PLCZ1: variants seen among roughly 807,000 people sequenced by gnomAD.
PLCZ1 encodes the protein 1-phosphatidylinositol 4,5-bisphosphate phosphodiesterase zeta-1.
A neutral mutation model predicts 76.8 loss-of-function variants in PLCZ1; 64 were observed. That is an observed-to-expected ratio of 0.83 (90% CI 0.68 to 1.03). The LOEUF (loss-of-function observed/expected upper bound fraction) is 1.03. Ranked by LOEUF, PLCZ1 falls within the 50% of genes least tolerant of loss-of-function variation. The probability of loss-of-function intolerance (pLI) is 0.00; values close to 1 mark genes in which losing one functional copy is unlikely to be tolerated. For synonymous variants in PLCZ1, 248 were observed against 230.8 expected (o/e 1.07, Z -0.68); for missense variants, 751 against 713.7 (o/e 1.05, Z -0.60).
chr12:18,681,716 T>C (rs114414509), downstream of PLCZ1, among the ~76,000 whole-genome samples: 2,064 of 152,154 alleles, frequency 0.014, 54 homozygotes, highest in African/African-American at 0.048. Flanking sequence ...AGTGGAATAT[T>C]TCAAAATGAA....
At chr12:18,725,238 G>A (rs12580512) in intron 3 of PLCZ1, among the ~76,000 whole-genome samples, 31,570 of 152,088 alleles carry the variant, frequency 0.21, 3,520 homozygotes, top group East Asian at 0.32. Context: ...AGGAGCAAGT[G>A]ACAATGGGGA....
intron 2 of PLCZ1, 34 bp from the exon 3 acceptor site, chr12:18,736,378 A>G: frequency 6.2e-7 from 1 of 1,600,192 alleles, no homozygotes; most frequent in Non-Finnish European, 8.5e-7. Flanking sequence ...AAATTCTCAC[A>G]GAAAGTCATT....
the PLCZ1 span, among the ~76,000 whole-genome samples, chr12:18,674,471 CTA>C: frequency 6.6e-6 from 1 of 152,166 alleles, no homozygotes; most frequent in African/African-American, 2.4e-5. Context: ...TTTTCTCACT[CTA>C]TGAATTTTTT....
chr12:18,716,009 A>G (rs1333072113), intron 5 of PLCZ1, among the ~76,000 whole-genome samples: 1 of 152,220 alleles, frequency 6.6e-6, no homozygotes, highest in Non-Finnish European at 1.5e-5. Flanking sequence ...AAATTCGGCT[A>G]CATTTGTAGA....
At position 18,701,766 on chromosome 12, in the gene PLCZ1, A is replaced by G; in HGVS notation, c.875T>C (p.Phe292Ser). The G allele has an allele frequency of 6.2e-7, 1 of 1,602,178 alleles. No homozygotes were observed. Among genetic ancestry groups the G allele is most frequent in the Non-Finnish European group, 8.5e-7 (1 of 1,174,182 alleles). ...DTLPSPEALKFKILVKNKKIG... is the reference protein window; with the variant it reads ...DTLPSPEALKSKILVKNKKIG... ...TTTCTTATTTTTAACTAATATTTTG[A>G]ATTTTAGTGCCTAAGGAAACAATTT... Residue 292 changes from phenylalanine (F) to serine (S), a missense_variant, in exon 8 of 15, where the codon TTC (phenylalanine) becomes TCC (serine). Physicochemically the swap from Phe to Ser is radical, Grantham distance 155. Coordinates refer to ENST00000266505, the MANE Select transcript of PLCZ1 (RefSeq NM_033123.4).
rs200904516 is a variant in PLCZ1, at chr12:18,701,747, A to G, written c.894T>C (p.Asn298=). 1.2e-4 allele frequency: 199 copies of G among 1,608,058 alleles called. No homozygotes were observed. Among genetic ancestry groups the G allele is most frequent in the Admixed American group, 6.7e-5 (4 of 59,580 alleles). Residue 298 remains asparagine, a synonymous_variant, in exon 8 of 15, where the codon AAT becomes AAC. Transcript: ENST00000266505. ...TTTCCTTTAAGGTTCCTATTTTCTT[A>G]TTTTTAACTAATATTTTGAATTTTA... ...EALKFKILVK[N]KKIGTLKETH...
intron 4 of PLCZ1, 35 bp from the exon 5 acceptor site, chr12:18,719,667 C>T (rs778720671): frequency 2.1e-6 from 3 of 1,429,482 alleles, no homozygotes; most frequent in African/African-American, 2.9e-5. Flanking sequence ...TAAAAGGATG[C>T]AAAAATACCA....
At chr12:18,707,901 T>A (rs1592166431) in intron 6 of PLCZ1, among the ~76,000 whole-genome samples, 1 of 152,274 alleles carries the variant, frequency 6.6e-6, no homozygotes, top group Non-Finnish European at 1.5e-5. Flanking sequence ...ATACTTAAGG[T>A]ATACAACATG....
At chr12:18,678,437 C>T (rs1185554264), downstream of PLCZ1, among the ~76,000 whole-genome samples, 2 of 151,996 alleles carry the variant, frequency 1.3e-5, no homozygotes, top group Non-Finnish European at 1.5e-5. Flanking sequence ...CCCTATTCAA[C>T]CATCATGATA....
chr12:18,679,201 T>A (rs1952202548), downstream of PLCZ1, among the ~76,000 whole-genome samples: 1 of 152,020 alleles, frequency 6.6e-6, no homozygotes, highest in Admixed American at 6.6e-5. Context: ...TAAGTATTCT[T>A]CATATAGTCT....
At chr12:18,661,809 A>G in the PLCZ1 span, among the ~76,000 whole-genome samples, 1 of 152,242 alleles carries the variant, frequency 6.6e-6, no homozygotes, top group South Asian at 2.1e-4. Context: ...AAGGAATATA[A>G]ATTGTTCTAC....
intron 3 of PLCZ1, among the ~76,000 whole-genome samples, chr12:18,726,868 C>G (rs191457041): frequency 6.6e-6 from 1 of 152,090 alleles, no homozygotes; most frequent in Non-Finnish European, 1.5e-5. Flanking sequence ...CAAACTCTCG[C>G]GCTAGTTTAA....
At chr12:18,669,868 A>G in the PLCZ1 span, among the ~76,000 whole-genome samples, 1 of 152,190 alleles carries the variant, frequency 6.6e-6, no homozygotes, top group South Asian at 2.1e-4. Flanking sequence ...ACAGGGTTTC[A>G]CCACGTTGCT....
At chr12:18,729,783 A>G (rs903681744) in intron 3 of PLCZ1, among the ~76,000 whole-genome samples, 1 of 152,102 alleles carries the variant, frequency 6.6e-6, no homozygotes, top group African/African-American at 2.4e-5. Flanking sequence ...CCATGAATCA[A>G]TAATTAATCT....
At chr12:18,687,383 A>T (rs1448402404) in intron 13 of PLCZ1, among the ~76,000 whole-genome samples, 3 of 152,158 alleles carry the variant, frequency 2.0e-5, no homozygotes, top group Non-Finnish European at 4.4e-5. Context: ...CTTGAAGAAG[A>T]TTCCAGACTC....
At chr12:18,708,234 G>GT (rs938253659) in intron 6 of PLCZ1, among the ~76,000 whole-genome samples, 1 of 151,760 alleles carries the variant, frequency 6.6e-6, no homozygotes, top group Admixed American at 6.6e-5. Context: ...ACATTTGAGA[G>GT]TTTTTTTTCT....
chr12:18,707,710 G>A (rs1044208798), intron 6 of PLCZ1, among the ~76,000 whole-genome samples: 1 of 152,040 alleles, frequency 6.6e-6, no homozygotes, highest in Non-Finnish European at 1.5e-5. Flanking sequence ...GTAATTTCAT[G>A]TCCTCTTTTT....
At chr12:18,695,739 G>A (rs11044255) in intron 11 of PLCZ1, among the ~76,000 whole-genome samples, 1 of 151,848 alleles carries the variant, frequency 6.6e-6, no homozygotes, top group African/African-American at 2.4e-5. Context: ...AACCAAGTTA[G>A]GCAATCTTAT....
chr12:18,719,829 A>T (rs1298752829), intron 4 of PLCZ1, among the ~76,000 whole-genome samples, 197 bp from the exon 5 acceptor site: 1 of 152,090 alleles, frequency 6.6e-6, no homozygotes, highest in Non-Finnish European at 1.5e-5. Context: ...CCATATTAAC[A>T]TTCAAGTAAA....
Sources: allele counts gnomAD v4.1 joint callset (sites outside exome capture counted in the v4.1 genomes callset), GRCh38; gene constraint gnomAD v4.1.1; transcripts MANE v1.5; gene names NCBI Gene and HGNC (gene_info 2026-07-23, HGNC 2026-07-21).